ZFYVE9: variants seen among roughly 807,000 people sequenced by gnomAD.
ZFYVE9 encodes zinc finger FYVE-type containing 9, also known as zinc finger FYVE domain-containing protein 9.
A neutral mutation model predicts 126.7 loss-of-function variants in ZFYVE9; 43 were observed. The observed-to-expected ratio is 0.34, with a 90% CI of 0.27 to 0.44. The LOEUF (loss-of-function observed/expected upper bound fraction) is 0.44. Among genes scored for constraint, ZFYVE9 ranks in the 20% least tolerant of loss-of-function variants. The probability of loss-of-function intolerance (pLI) is 1.00; values close to 1 mark genes in which losing one functional copy is unlikely to be tolerated. For synonymous variants in ZFYVE9, 521 were observed against 597.4 expected (o/e 0.87, Z 1.87); for missense variants, 1,476 against 1,697.0 (o/e 0.87, Z 2.29).
intron 1 of ZFYVE9, among the ~76,000 whole-genome samples, chr1:52,196,353 T>C (rs1644860410): frequency 6.6e-6 from 1 of 151,994 alleles, no homozygotes; most frequent in South Asian, 2.1e-4. Flanking sequence ...TTATAAAAAT[T>C]GGTAAGTTGG....
intron 1 of ZFYVE9, among the ~76,000 whole-genome samples, chr1:52,198,828 C>T (rs556789242): frequency 6.6e-5 from 10 of 152,236 alleles, no homozygotes; most frequent in Non-Finnish European, 8.8e-5. Context: ...GTATAGCCTC[C>T]GCCATTATCA....
intron 3 of ZFYVE9, among the ~76,000 whole-genome samples, chr1:52,235,181 A>T (rs908347247): frequency 1.3e-5 from 2 of 152,134 alleles, no homozygotes; most frequent in Admixed American, 1.3e-4. Flanking sequence ...TGTTTGAACT[A>T]TTTTTTTGAA....
intron 1 of ZFYVE9, among the ~76,000 whole-genome samples, chr1:52,157,962 C>T (rs1644419080): frequency 6.6e-6 from 1 of 152,152 alleles, no homozygotes; most frequent in Admixed American, 6.5e-5. Flanking sequence ...ATGGTATACA[C>T]AGCTCTATCA....
intron 1 of ZFYVE9, among the ~76,000 whole-genome samples, chr1:52,178,652 A>G (rs939399576): frequency 6.6e-6 from 1 of 152,060 alleles, no homozygotes; most frequent in African/African-American, 2.4e-5. Context: ...ATTTAGAAAG[A>G]TTATTTTGTT....
intron 1 of ZFYVE9, among the ~76,000 whole-genome samples, chr1:52,143,321 A>T (rs1644278543): frequency 6.6e-6 from 1 of 152,244 alleles, no homozygotes; most frequent in Non-Finnish European, 1.5e-5. Flanking sequence ...TTGTTCTGAT[A>T]TTAATGTTGA....
At chr1:52,262,795 G>A (rs904519841) in intron 4 of ZFYVE9, among the ~76,000 whole-genome samples, 8 of 152,114 alleles carry the variant, frequency 5.3e-5, no homozygotes, top group African/African-American at 1.7e-4. Context: ...AATCTGGCCG[G>A]GTGTGGTGGC....
At chr1:52,172,905 A>C (rs1644587386) in intron 1 of ZFYVE9, among the ~76,000 whole-genome samples, 1 of 152,082 alleles carries the variant, frequency 6.6e-6, no homozygotes. Flanking sequence ...TTTTGGGCTG[A>C]GACAATGGGG....
At chr1:52,251,152 A>G (rs148368176) in intron 4 of ZFYVE9, among the ~76,000 whole-genome samples, 1 of 151,350 alleles carries the variant, frequency 6.6e-6, no homozygotes, top group African/African-American at 2.4e-5. Flanking sequence ...GCTCACTGCA[A>G]CCTCTGCCTC....
intron 1 of ZFYVE9, among the ~76,000 whole-genome samples, chr1:52,188,931 TTTTA>T (rs1009348762): frequency 6.6e-6 from 1 of 151,852 alleles, no homozygotes; most frequent in Non-Finnish European, 1.5e-5. Flanking sequence ...TTTATTTTAT[TTTTA>T]TTTATTTATT....
chr1:52,342,396 G>T (rs1318260774), intron 17 of ZFYVE9, among the ~76,000 whole-genome samples: 2 of 151,382 alleles, frequency 1.3e-5, no homozygotes, highest in African/African-American at 4.9e-5. Flanking sequence ...CTCCTGAGTA[G>T]CTGGGATTAC....
chr1:52,306,511 T>G (rs1253752346), intron 13 of ZFYVE9, among the ~76,000 whole-genome samples: 1 of 152,210 alleles, frequency 6.6e-6, no homozygotes, highest in South Asian at 2.1e-4. Context: ...TCATTCTTCC[T>G]GGATGCAGGA....
intron 4 of ZFYVE9, among the ~76,000 whole-genome samples, chr1:52,246,742 T>C (rs1645389411): frequency 6.8e-6 from 1 of 147,190 alleles, no homozygotes; most frequent in Non-Finnish European, 1.5e-5. Flanking sequence ...TCACTCTTGT[T>C]GCTTGCCCAG....
At chr1:52,152,190 A>G (rs978973680) in intron 1 of ZFYVE9, among the ~76,000 whole-genome samples, 4 of 151,990 alleles carry the variant, frequency 2.6e-5, no homozygotes, top group Middle Eastern at 3.4e-3. Flanking sequence ...GGATTTCACC[A>G]TGTTGGCCAG....
chr1:52,206,343 G>A (rs975181487), intron 1 of ZFYVE9, among the ~76,000 whole-genome samples: 21 of 152,268 alleles, frequency 1.4e-4, no homozygotes, highest in Middle Eastern at 3.4e-3. Context: ...TGTGTATGGC[G>A]TGGTGGTAGA....
intron 3 of ZFYVE9, among the ~76,000 whole-genome samples, chr1:52,234,003 A>G (rs753515320): frequency 6.6e-6 from 1 of 151,668 alleles, no homozygotes; most frequent in Non-Finnish European, 1.5e-5. Context: ...CTGGTCTTAA[A>G]CTCCTGGTGT....
At chr1:52,310,555 GAC>G (rs1207496418) in intron 13 of ZFYVE9, among the ~76,000 whole-genome samples, 5 of 152,100 alleles carry the variant, frequency 3.3e-5, no homozygotes, top group Non-Finnish European at 5.9e-5. Context: ...AGCAAAAAAA[GAC>G]ACATAGAACT....
chr1:52,297,030 C>T (rs1159187747), intron 12 of ZFYVE9, among the ~76,000 whole-genome samples: 2 of 152,064 alleles, frequency 1.3e-5, no homozygotes, highest in African/African-American at 4.8e-5. Context: ...TGATCTCAAA[C>T]TCCTGGCCTC....
chr1:52,297,313 C>T (rs1255784917), intron 12 of ZFYVE9, among the ~76,000 whole-genome samples: 1 of 149,368 alleles, frequency 6.7e-6, no homozygotes, highest in African/African-American at 2.5e-5. Context: ...CACAATCTTA[C>T]TGCAACCTCT....
intron 9 of ZFYVE9, among the ~76,000 whole-genome samples, chr1:52,280,636 A>G (rs754237885): frequency 6.6e-6 from 1 of 152,140 alleles, no homozygotes; most frequent in African/African-American, 2.4e-5. Context: ...TTGACTACAT[A>G]TGGTTTCTGC....
Sources: gnomAD v4.1 joint callset for allele counts (sites outside exome capture counted in the v4.1 genomes callset) on GRCh38, gnomAD v4.1.1 for gene constraint, MANE v1.5 for transcripts, NCBI Gene and HGNC (gene_info 2026-07-23, HGNC 2026-07-21) for gene names.